Variants in DCPH1 observed in about 807,000 individuals in gnomAD.
DCPH1 encodes damage-control phosphatase 1.
At chr6:151,453,561 C>G in the DCPH1 span, among the ~76,000 whole-genome samples, 2 of 152,154 alleles carry the variant, frequency 1.3e-5, no homozygotes, top group Non-Finnish European at 2.9e-5. Flanking sequence ...ACCACAGAGT[C>G]GGAAAGTGTG....
At chr6:151,452,587 G>T in the DCPH1 span, 1 of 1,609,734 alleles carries the variant, frequency 6.2e-7, no homozygotes, top group Non-Finnish European at 8.5e-7. Context: ...AGGACGTGGG[G>T]TTAGTCTAGC....
At chr6:151,458,212 T>G in the DCPH1 span, 1 of 1,312,206 alleles carries the variant, frequency 7.6e-7, no homozygotes, top group Non-Finnish European at 1.0e-6. Flanking sequence ...TTTAAAGAAA[T>G]AAAATGTAGT....
At chr6:151,466,239 A>G in the DCPH1 span, among the ~76,000 whole-genome samples, 1 of 152,044 alleles carries the variant, frequency 6.6e-6, no homozygotes, top group East Asian at 1.9e-4. Flanking sequence ...TTAACTAATA[A>G]ACCTTGTTTT....
chr6:151,467,265 A>G, the DCPH1 span, among the ~76,000 whole-genome samples: 1 of 150,770 alleles, frequency 6.6e-6, no homozygotes, highest in African/African-American at 2.4e-5. Context: ...AAAAAAAAAC[A>G]AAACCCTATT....
the DCPH1 span, among the ~76,000 whole-genome samples, chr6:151,460,565 C>G: frequency 6.6e-6 from 1 of 151,762 alleles, no homozygotes; most frequent in Non-Finnish European, 1.5e-5. Context: ...GCAGGCAGAT[C>G]AAAAGGTCAA....
At chr6:151,461,783 A>G in the DCPH1 span, among the ~76,000 whole-genome samples, 2 of 152,232 alleles carry the variant, frequency 1.3e-5, no homozygotes, top group Non-Finnish European at 2.9e-5. Flanking sequence ...TCAGGGAGTG[A>G]TGATATCCAC....
the DCPH1 span, chr6:151,469,243 C>G: frequency 1.6e-6 from 1 of 634,760 alleles, no homozygotes; most frequent in Non-Finnish European, 2.6e-6. Context: ...TGGTGCCCAT[C>G]TACGTGCACT....
the DCPH1 span, chr6:151,468,588 C>G: frequency 1.2e-6 from 2 of 1,614,094 alleles, no homozygotes; most frequent in Non-Finnish European, 1.7e-6. Context: ...TAGCCGACTT[C>G]TTGTTGTCCT....
At chr6:151,464,303 A>G in the DCPH1 span, 2 of 515,160 alleles carry the variant, frequency 3.9e-6, no homozygotes, top group African/African-American at 2.0e-5. Flanking sequence ...ATTATTTAGT[A>G]TTAAGTTTTT....
the DCPH1 span, chr6:151,469,937 C>T: frequency 2.0e-5 from 3 of 151,992 alleles, no homozygotes; most frequent in African/African-American, 4.8e-5. Context: ...GGAGTACTAC[C>T]AACAATGAAT....
chr6:151,462,729 A>C, the DCPH1 span, among the ~76,000 whole-genome samples: 6 of 152,348 alleles, frequency 3.9e-5, no homozygotes, highest in African/African-American at 1.4e-4. Flanking sequence ...GTGTGTGTAC[A>C]TACACAGCTT....
At chr6:151,458,361 C>CTCCT in the DCPH1 span, 1 of 1,613,318 alleles carries the variant, frequency 6.2e-7, no homozygotes, top group African/African-American at 1.3e-5. Context: ...AGCTATCTCT[C>CTCCT]TCCTTTCTAA....
chr6:151,463,196 T>G, the DCPH1 span, among the ~76,000 whole-genome samples: 1 of 152,204 alleles, frequency 6.6e-6, no homozygotes, highest in Non-Finnish European at 1.5e-5. Flanking sequence ...TCCGAATGAT[T>G]TTTATCCTTT....
chr6:151,459,353 T>G, the DCPH1 span, among the ~76,000 whole-genome samples: 1 of 152,224 alleles, frequency 6.6e-6, no homozygotes, highest in Admixed American at 6.5e-5. Flanking sequence ...CAGTGAATCA[T>G]ACTATTGTAT....
the DCPH1 span, among the ~76,000 whole-genome samples, chr6:151,462,302 C>A: frequency 2.0e-5 from 3 of 152,176 alleles, no homozygotes; most frequent in Non-Finnish European, 4.4e-5. Flanking sequence ...AGAGACGGAA[C>A]CTTACAGACC....
chr6:151,452,617 G>C, the DCPH1 span: 1 of 1,595,132 alleles, frequency 6.3e-7, no homozygotes. Context: ...CCCCACTTTT[G>C]CGGAAAGCCG....
chr6:151,468,532 A>G, the DCPH1 span: 3 of 1,613,922 alleles, frequency 1.9e-6, no homozygotes, highest in East Asian at 4.5e-5. Context: ...TAGAGTGTAT[A>G]TTGTTCTCGA....
chr6:151,459,277 A>G, the DCPH1 span, among the ~76,000 whole-genome samples: 8 of 152,270 alleles, frequency 5.3e-5, no homozygotes, highest in Non-Finnish European at 7.3e-5. Context: ...CAAAGTAAGC[A>G]TATGTTTTGT....
chr6:151,468,954 T>A, the DCPH1 span: 1 of 1,614,116 alleles, frequency 6.2e-7, no homozygotes, highest in Admixed American at 1.7e-5. Flanking sequence ...AGGCTCTGAA[T>A]GGCTTCCATC....
Sources: allele counts gnomAD v4.1 joint callset (sites outside exome capture counted in the v4.1 genomes callset), GRCh38; gene constraint gnomAD v4.1.1; transcripts MANE v1.5; gene names NCBI Gene and HGNC (gene_info 2026-07-23, HGNC 2026-07-21).